CELF2: variants seen among roughly 807,000 people sequenced by gnomAD.
CELF2 encodes CUGBP Elav-like family member 2.
In CELF2, 8 loss-of-function variants were observed where a neutral mutation model predicts 62.6. That is an observed-to-expected ratio of 0.13 (90% CI 0.07 to 0.23). The LOEUF (loss-of-function observed/expected upper bound fraction) is 0.23, where lower values mean the gene tolerates loss of function less well. Ranked by LOEUF, CELF2 falls within the 10% of genes least tolerant of loss-of-function variation. The pLI is 1.00. For synonymous variants in CELF2, 258 were observed against 250.0 expected, an observed-to-expected ratio of 1.03 and a Z score of -0.30; for missense variants, 333 against 671.0, an observed-to-expected ratio of 0.50 and a Z score of 5.56.
intron 4 of CELF2, among the ~76,000 whole-genome samples, chr10:11,253,926 T>G (rs551403437): frequency 3.3e-4 from 50 of 152,318 alleles, no homozygotes; most frequent in Middle Eastern, 3.4e-3. Context: ...TTTTGTTTTG[T>G]TTTGGTTTTG....
At chr10:10,890,963 C>T (rs2062097225) in intron 1 of CELF2, among the ~76,000 whole-genome samples, 1 of 151,930 alleles carries the variant, frequency 6.6e-6, no homozygotes, top group Non-Finnish European at 1.5e-5. Flanking sequence ...TGCAGTGAGC[C>T]GAGACTGCAG....
chr10:11,057,074 G>C (rs997303739), intron 1 of CELF2, among the ~76,000 whole-genome samples: 1 of 152,196 alleles, frequency 6.6e-6, no homozygotes, highest in Non-Finnish European at 1.5e-5. Context: ...GTGAGCAGCC[G>C]TGCCTGGAGG....
the CELF2 span, among the ~76,000 whole-genome samples, chr10:10,507,647 T>C: frequency 6.6e-6 from 1 of 152,122 alleles, no homozygotes; most frequent in Non-Finnish European, 1.5e-5. Flanking sequence ...AAAATTATGG[T>C]CAACTGAGAG....
the CELF2 span, among the ~76,000 whole-genome samples, chr10:10,671,332 C>A: frequency 6.6e-6 from 1 of 152,072 alleles, no homozygotes; most frequent in African/African-American, 2.4e-5. Flanking sequence ...TTTATTTATC[C>A]ATTCACCTAC....
the CELF2 span, among the ~76,000 whole-genome samples, chr10:10,601,224 C>A: frequency 3.0e-4 from 45 of 152,166 alleles, no homozygotes; most frequent in Middle Eastern, 3.2e-3. Context: ...ATCTCAGCCC[C>A]TCCATACTGC....
chr10:10,622,943 C>T, the CELF2 span, among the ~76,000 whole-genome samples: 7 of 151,516 alleles, frequency 4.6e-5, no homozygotes, highest in Non-Finnish European at 5.9e-5. Context: ...CGTAGCCGGG[C>T]GTGGTGGCGG....
chr10:11,018,176 G>A lies in CELF2; in HGVS notation c.74+13G>A, dbSNP rs1428593548. ...TTCCTGACAGAATGTGAGTGGCGCC[G>A]CGTCCCGAGGCCGGGCGAGCGGGCG... is the stretch of plus-strand genomic sequence containing the variant. On this transcript the variant is annotated intron_variant, in intron 1 of 12. Transcript: ENST00000633077. 6.6e-7 allele frequency: 1 copy of A among 1,514,346 alleles called. No individual in the cohort carries two copies. Among genetic ancestry groups the A allele is most frequent in the Non-Finnish European group, 8.9e-7 (1 of 1,127,424 alleles). The allele number at this position is 1,514,346 out of a possible 1,614,324, so 93.8% of individuals were successfully genotyped here.
chr10:10,466,650 A>G, the CELF2 span, among the ~76,000 whole-genome samples: 1 of 152,082 alleles, frequency 6.6e-6, no homozygotes, highest in Non-Finnish European at 1.5e-5. Context: ...TGGCTGTAAC[A>G]TTTGATACTT....
rs7077611 is a variant in CELF2, at chr10:11,098,743, G to T, written c.75-66743G>T. Reference sequence around the variant, plus strand: ...CTGGCCTTACTTTTCTGTAAACTGCGGCCACTTTGTCCTTTATCTGTGTGG... The same window carrying T: ...CTGGCCTTACTTTTCTGTAAACTGCTGCCACTTTGTCCTTTATCTGTGTGG... On this transcript the variant is annotated intron_variant, in intron 1 of 12. Transcript: ENST00000633077. The surrounding 1 kb of genome is among the most constrained non-coding windows in gnomAD (Gnocchi z 4.0). 0.2 allele frequency among the ~76,000 whole-genome samples: 29,833 copies of T among 152,060 alleles called. 3,826 individuals are homozygous for T. Among genetic ancestry groups the T allele is most frequent in the African/African-American group, 0.37 (15,132 of 41,412 alleles).
the CELF2 span, among the ~76,000 whole-genome samples, chr10:10,684,674 G>A: frequency 6.6e-6 from 1 of 152,112 alleles, no homozygotes; most frequent in Non-Finnish European, 1.5e-5. Flanking sequence ...AGCCCAGGAG[G>A]TTGAGCCTGC....
rs929197394 is a variant in CELF2, at chr10:11,237,400, T to C, written c.355-11753T>C. Among the ~76,000 whole-genome samples the C allele has an allele frequency of 3.3e-5, 5 of 152,132 alleles. No individual in the cohort carries two copies. The highest frequency in any genetic ancestry group is 1.2e-4 in the African/African-American group (5 of 41,416). Reference sequence around the variant, plus strand: ...GGGTACCCAGATTCAGGTCATTTCCTATGGGGTGAGGCAGGAGTGTGGCTG... The same window carrying C: ...GGGTACCCAGATTCAGGTCATTTCCCATGGGGTGAGGCAGGAGTGTGGCTG... On this transcript the variant is annotated intron_variant, in intron 3 of 12. Transcript: ENST00000633077. The surrounding 1 kb of genome is among the most constrained non-coding windows in gnomAD (Gnocchi z 4.0).
At position 11,227,635 on chromosome 10, in the gene CELF2, G is replaced by T. The variant is rs74644045; in HGVS notation, c.354+10128G>T. The stretch of plus-strand genomic sequence containing the variant: ...TGTTAGATTCGGCCGGAATCTAAGG[G>T]ATAGAGATGTATCATGAGGTGGAAG... On this transcript the variant is annotated intron_variant, in intron 3 of 12. Coordinates refer to ENST00000633077, the MANE Select transcript of CELF2 (RefSeq NM_001326342.2). The surrounding 1 kb of genome is among the most constrained non-coding windows in gnomAD (Gnocchi z 4.8). Among the ~76,000 whole-genome samples, 753 of 152,302 alleles carry T rather than the reference G, an allele frequency of 4.9e-3. 5 individuals carry two copies. Among genetic ancestry groups the T allele is most frequent in the African/African-American group, 0.017 (699 of 41,554 alleles).
chr10:10,961,614 T>C (rs1454121550), intron 2 of CELF2, among the ~76,000 whole-genome samples: 1 of 151,328 alleles, frequency 6.6e-6, no homozygotes, highest in Non-Finnish European at 1.5e-5. Flanking sequence ...GGTGTGGTAG[T>C]GGGCGCCTAT....
At chr10:11,158,158 A>G (rs2064936949) in intron 1 of CELF2, among the ~76,000 whole-genome samples, 1 of 152,204 alleles carries the variant, frequency 6.6e-6, no homozygotes, top group Non-Finnish European at 1.5e-5. Flanking sequence ...CCAAAGAGCC[A>G]CTTTCAATTA....
At chr10:10,665,394 G>A in the CELF2 span, among the ~76,000 whole-genome samples, 17 of 152,148 alleles carry the variant, frequency 1.1e-4, no homozygotes, top group African/African-American at 4.1e-4. Flanking sequence ...CATAAGTAAT[G>A]TATCCATAAA....
chr10:10,637,718 G>T, the CELF2 span, among the ~76,000 whole-genome samples: 2 of 152,276 alleles, frequency 1.3e-5, no homozygotes, highest in East Asian at 3.9e-4. Context: ...ATGTGACACG[G>T]AGTCGCAGAT....
At chr10:10,926,704 T>C (rs557599575) in intron 2 of CELF2, among the ~76,000 whole-genome samples, 1 of 152,128 alleles carries the variant, frequency 6.6e-6, no homozygotes, top group Non-Finnish European at 1.5e-5. Context: ...GGAGGGGACA[T>C]TGGGTTTCTG....
chr10:10,573,792 CA>C, the CELF2 span, among the ~76,000 whole-genome samples: 1 of 151,968 alleles, frequency 6.6e-6, no homozygotes, highest in South Asian at 2.1e-4. Flanking sequence ...AATAGTCAAT[CA>C]AAAATATTCA....
intron 2 of CELF2, among the ~76,000 whole-genome samples, chr10:10,922,336 G>A (rs2064999458): frequency 6.6e-6 from 1 of 152,156 alleles, no homozygotes. Flanking sequence ...TCATGTGTGG[G>A]CAGAGAGATT....
Sources: gnomAD v4.1 joint callset for allele counts (sites outside exome capture counted in the v4.1 genomes callset) on GRCh38, gnomAD v4.1.1 for gene constraint, Gnocchi (gnomAD v3.1) non-coding constraint, MANE v1.5 for transcripts, NCBI Gene and HGNC (gene_info 2026-07-23, HGNC 2026-07-21) for gene names.